SH3RF3: variants seen among roughly 807,000 people sequenced by gnomAD.
SH3RF3 encodes SH3 domain containing ring finger 3, also known as E3 ubiquitin-protein ligase SH3RF3.
SH3RF3 carries 29 observed loss-of-function variants against 66.3 expected under a neutral mutation model. The observed-to-expected ratio is 0.44, with a 90% CI of 0.33 to 0.60. The LOEUF (loss-of-function observed/expected upper bound fraction) is 0.60. SH3RF3 is among the 20% of genes least tolerant of loss of function. The pLI is 0.04. For synonymous variants in SH3RF3, 583 were observed against 532.0 expected, an observed-to-expected ratio of 1.10 and a Z score of -1.32; for missense variants, 1,194 against 1,190.9, an observed-to-expected ratio of 1.00 and a Z score of -0.04.
At chr2:109,417,905 T>G (rs978591214) in intron 4 of SH3RF3, among the ~76,000 whole-genome samples, 24 of 152,174 alleles carry the variant, frequency 1.6e-4, no homozygotes, top group African/African-American at 5.8e-4. Flanking sequence ...CAGTGAGTAA[T>G]GAGAAAGCTA....
At chr2:109,433,228 C>T (rs775557348) in intron 6 of SH3RF3, among the ~76,000 whole-genome samples, 2 of 152,164 alleles carry the variant, frequency 1.3e-5, no homozygotes, top group African/African-American at 2.4e-5. Context: ...CATATATAGA[C>T]GTGTGATATG....
intron 4 of SH3RF3, among the ~76,000 whole-genome samples, chr2:109,413,019 C>G (rs1676635528): frequency 2.0e-5 from 3 of 152,246 alleles, no homozygotes; most frequent in Admixed American, 2.0e-4. Flanking sequence ...GCCCCACACC[C>G]TGGAACTTCA....
At chr2:109,286,082 C>T (rs1189137393) in intron 1 of SH3RF3, among the ~76,000 whole-genome samples, 1 of 152,176 alleles carries the variant, frequency 6.6e-6, no homozygotes, top group Admixed American at 6.5e-5. Context: ...CATTCAGGTG[C>T]CTATCATTAC....
chr2:109,195,340 G>A (rs533755586), intron 1 of SH3RF3, among the ~76,000 whole-genome samples: 2 of 152,318 alleles, frequency 1.3e-5, no homozygotes, highest in South Asian at 4.1e-4. Flanking sequence ...GTGACAGCCA[G>A]GACAAGGGGC....
intron 1 of SH3RF3, among the ~76,000 whole-genome samples, chr2:109,160,282 G>A (rs1256573699): frequency 6.6e-6 from 1 of 152,206 alleles, no homozygotes; most frequent in Non-Finnish European, 1.5e-5. Context: ...GCATGAGGTT[G>A]CTGCCCAAGA....
At chr2:109,377,737 C>T (rs1310696785) in intron 3 of SH3RF3, among the ~76,000 whole-genome samples, 1 of 152,186 alleles carries the variant, frequency 6.6e-6, no homozygotes, top group Non-Finnish European at 1.5e-5. Flanking sequence ...TAGCGTGCCT[C>T]ATCAGACCAC....
chr2:109,443,725 A>G (rs1677635405), intron 7 of SH3RF3, among the ~76,000 whole-genome samples: 1 of 152,238 alleles, frequency 6.6e-6, no homozygotes, highest in Non-Finnish European at 1.5e-5. Context: ...TTATACACCA[A>G]GTAACAGAAC....
intron 1 of SH3RF3, among the ~76,000 whole-genome samples, chr2:109,245,465 T>C (rs1182063267): frequency 6.6e-6 from 1 of 152,222 alleles, no homozygotes; most frequent in African/African-American, 2.4e-5. Flanking sequence ...TGCACATTAG[T>C]GCTTCCTATG....
chr2:109,302,239 C>T (rs1297972647), intron 1 of SH3RF3, among the ~76,000 whole-genome samples: 1 of 151,718 alleles, frequency 6.6e-6, no homozygotes, highest in Non-Finnish European at 1.5e-5. Context: ...TCAGGTTGCT[C>T]TAAGTGTCAG....
intron 1 of SH3RF3, among the ~76,000 whole-genome samples, chr2:109,249,511 T>TTCTG (rs1680014312): frequency 2.4e-5 from 1 of 41,868 alleles, no homozygotes; most frequent in Non-Finnish European, 4.6e-5. Context: ...CTTTCTTTCA[T>TTCTG]TCTTTCTTTT....
At chr2:109,182,270 C>T (rs4676258) in intron 1 of SH3RF3, among the ~76,000 whole-genome samples, 74,598 of 152,036 alleles carry the variant, frequency 0.49, 19,381 homozygotes, top group South Asian at 0.61. Context: ...CAGAAGGCAT[C>T]GCATGGTGAG....
chr2:109,316,230 C>T (rs13033717), intron 1 of SH3RF3, among the ~76,000 whole-genome samples: 19,173 of 152,172 alleles, frequency 0.13, 1,639 homozygotes, highest in East Asian at 0.39. Flanking sequence ...CTTCATCTCT[C>T]GCAGCAGATC....
At chr2:109,289,133 A>G (rs1322706890) in intron 1 of SH3RF3, among the ~76,000 whole-genome samples, 1 of 152,198 alleles carries the variant, frequency 6.6e-6, no homozygotes, top group Admixed American at 6.5e-5. Flanking sequence ...ATATGAAAAG[A>G]AAATTATTAA....
At chr2:109,347,059 T>C (rs1415676484) in intron 1 of SH3RF3, among the ~76,000 whole-genome samples, 1 of 152,118 alleles carries the variant, frequency 6.6e-6, no homozygotes, top group Non-Finnish European at 1.5e-5. Flanking sequence ...AGTGGAACGC[T>C]CAGCACGACG....
intron 3 of SH3RF3, among the ~76,000 whole-genome samples, chr2:109,379,175 A>C (rs1194786803): frequency 6.6e-6 from 1 of 152,230 alleles, no homozygotes; most frequent in East Asian, 1.9e-4. Context: ...TGTCTGGAGC[A>C]GGAGGGTAAA....
At chr2:109,287,164 A>AT (rs1220908095) in intron 1 of SH3RF3, among the ~76,000 whole-genome samples, 9 of 152,166 alleles carry the variant, frequency 5.9e-5, no homozygotes, top group African/African-American at 2.2e-4. Context: ...AGACCCAGTG[A>AT]TTATATGCCA....
At chr2:109,471,662 C>T (rs763120763) in intron 8 of SH3RF3, among the ~76,000 whole-genome samples, 3 of 152,192 alleles carry the variant, frequency 2.0e-5, no homozygotes, top group Non-Finnish European at 4.4e-5. Flanking sequence ...GCCACCTGCT[C>T]CAGGACACAT....
At chr2:109,216,713 T>A (rs533707746) in intron 1 of SH3RF3, among the ~76,000 whole-genome samples, 11 of 152,248 alleles carry the variant, frequency 7.2e-5, no homozygotes, top group Non-Finnish European at 1.5e-4. Flanking sequence ...TGGGGTCACA[T>A]GCTTGTCTGA....
chr2:109,260,253 T>C (rs1574535460), intron 1 of SH3RF3, among the ~76,000 whole-genome samples: 1 of 152,218 alleles, frequency 6.6e-6, no homozygotes, highest in South Asian at 2.1e-4. Flanking sequence ...TGGAAAACCA[T>C]GCAAACTGAC....
Sources: gnomAD v4.1 joint callset for allele counts (sites outside exome capture counted in the v4.1 genomes callset) on GRCh38, gnomAD v4.1.1 for gene constraint, MANE v1.5 for transcripts, NCBI Gene and HGNC (gene_info 2026-07-23, HGNC 2026-07-21) for gene names.